ZNF846: variants seen among roughly 807,000 people sequenced by gnomAD.
ZNF846 encodes zinc finger protein 420 pseudogene.
A neutral mutation model predicts 16.0 loss-of-function variants in ZNF846; 15 were observed. The observed-to-expected ratio is 0.94, with a 90% CI of 0.63 to 1.45. The LOEUF is 1.45. Among genes scored for constraint, ZNF846 ranks in the 40% most tolerant of loss-of-function variants. The pLI, the probability that ZNF846 is intolerant of heterozygous loss-of-function variation, is 0.00. For missense variants in ZNF846, 714 were observed against 622.3 expected, an observed-to-expected ratio of 1.15 and a Z score of -1.57; for synonymous variants, 229 against 212.0, an observed-to-expected ratio of 1.08 and a Z score of -0.70.
At chr19:9,749,427 G>A (rs10413243), downstream of ZNF846, among the ~76,000 whole-genome samples, 55,079 of 151,750 alleles carry the variant, frequency 0.36, 14,226 homozygotes, top group African/African-American at 0.73. Flanking sequence ...TTTCCTCCAA[G>A]TCACCATAAC....
downstream of ZNF846, among the ~76,000 whole-genome samples, chr19:9,750,376 C>T (rs2045074462): frequency 6.6e-6 from 1 of 152,164 alleles, no homozygotes; most frequent in Non-Finnish European, 1.5e-5. Context: ...TCCCTCTACG[C>T]AGTTGCACCA....
intron 1 of ZNF846, among the ~76,000 whole-genome samples, chr19:9,766,759 G>C (rs1467143964): frequency 2.6e-5 from 4 of 151,704 alleles, no homozygotes; most frequent in Non-Finnish European, 5.9e-5. Context: ...AATTAGCTGG[G>C]CATGGTGGCA....
intron 1 of ZNF846, among the ~76,000 whole-genome samples, chr19:9,777,964 G>A (rs2045464284): frequency 6.6e-6 from 1 of 152,172 alleles, no homozygotes; most frequent in Non-Finnish European, 1.5e-5. Context: ...ACTGGACAAA[G>A]GAGAGAATCA....
intron 1 of ZNF846, among the ~76,000 whole-genome samples, chr19:9,784,476 A>G (rs2045538144): frequency 6.6e-6 from 1 of 152,342 alleles, no homozygotes; most frequent in East Asian, 1.9e-4. Context: ...GTTTTCTCCT[A>G]TCTCAGTAAA....
upstream of ZNF846, among the ~76,000 whole-genome samples, chr19:9,771,379 C>T (rs143230211): frequency 1.8e-3 from 275 of 152,096 alleles, 1 homozygote; most frequent in African/African-American, 6.3e-3. Flanking sequence ...GGTTTTCCCA[C>T]GTTGGCCAGG....
chr19:9,783,732 T>C (rs2045529658), intron 1 of ZNF846, among the ~76,000 whole-genome samples: 1 of 151,006 alleles, frequency 6.6e-6, no homozygotes, highest in Non-Finnish European at 1.5e-5. Context: ...CTCTGTCGCC[T>C]GGATGGAGTA....
intron 1 of ZNF846, among the ~76,000 whole-genome samples, chr19:9,773,740 C>T (rs1165402667): frequency 6.6e-6 from 1 of 151,986 alleles, no homozygotes; most frequent in Non-Finnish European, 1.5e-5. Context: ...CGAGATTGCA[C>T]CACTGCACTT....
downstream of ZNF846, among the ~76,000 whole-genome samples, chr19:9,751,265 A>G (rs1385052585): frequency 1.3e-5 from 2 of 151,770 alleles, no homozygotes; most frequent in African/African-American, 2.4e-5. Context: ...AATCTCTCCC[A>G]CTTTAGGTTC....
chr19:9,757,659 G>A (rs1284874472), exon 6 of ZNF846: 2 of 1,613,138 alleles, frequency 1.2e-6, no homozygotes, highest in Non-Finnish European at 8.5e-7. Context: ...CTTTTCTCCT[G>A]TGTGCGTTCG....
chr19:9,758,130 C>T, exon 6 of ZNF846: 1 of 1,613,544 alleles, frequency 6.2e-7, no homozygotes, highest in Non-Finnish European at 8.5e-7. Flanking sequence ...GAAGGCTTTT[C>T]CACATTCCAT....
chr19:9,767,607 C>T (rs1332285774), intron 1 of ZNF846, among the ~76,000 whole-genome samples: 1 of 151,930 alleles, frequency 6.6e-6, no homozygotes, highest in African/African-American at 2.4e-5. Flanking sequence ...CAAACCAAGA[C>T]CCTGTCTTTA....
At chr19:9,754,563 T>TCAAAAAAAAAAAAAAAAAAAAAAAAAAA (rs776769152), downstream of ZNF846, among the ~76,000 whole-genome samples, 20 of 83,788 alleles carry the variant, frequency 2.4e-4, 2 homozygotes, top group African/African-American at 9.2e-4. Context: ...AGACTCTGTC[T>TCAAAAAAAAAAAAAAAAAAAAAAAAAAA]TAAAAAAAAA....
chr19:9,758,697 G>A (rs775762403), exon 6 of ZNF846: 2 of 1,609,612 alleles, frequency 1.2e-6, no homozygotes, highest in Non-Finnish European at 1.7e-6. Context: ...CATAAGAAAT[G>A]GGTGTTCATT....
downstream of ZNF846, among the ~76,000 whole-genome samples, chr19:9,753,036 G>A (rs561887122): frequency 6.6e-6 from 1 of 151,422 alleles, no homozygotes; most frequent in African/African-American, 2.5e-5. Flanking sequence ...TTCACAGAGA[G>A]CCATCTTCTT....
downstream of ZNF846, among the ~76,000 whole-genome samples, chr19:9,755,328 T>C (rs1345699198): frequency 3.3e-5 from 5 of 151,638 alleles, 1 homozygote; most frequent in African/African-American, 1.2e-4. Flanking sequence ...CAAGTCGTCA[T>C]GGACAGTAAG....
downstream of ZNF846, among the ~76,000 whole-genome samples, chr19:9,754,564 TAAA>T (rs545236944): frequency 4.5e-5 from 4 of 88,702 alleles, no homozygotes; most frequent in African/African-American, 5.2e-5. Context: ...GACTCTGTCT[TAAA>T]AAAAAAAAAA....
downstream of ZNF846, among the ~76,000 whole-genome samples, chr19:9,748,998 C>A (rs2045064538): frequency 6.6e-6 from 1 of 152,184 alleles, no homozygotes; most frequent in African/African-American, 2.4e-5. Context: ...TCAAACTCTA[C>A]AACCGCGATG....
intron 1 of ZNF846, chr19:9,774,854 C>A (rs930090959): frequency 2.5e-6 from 4 of 1,609,682 alleles, no homozygotes; most frequent in South Asian, 1.1e-5. Context: ...GCCCGAGCAC[C>A]CGCTTCGGGC....
intron 5 of ZNF846, 84 bp downstream of exon 5, chr19:9,759,776 T>G (rs2045192735): frequency 3.8e-6 from 4 of 1,054,890 alleles, no homozygotes; most frequent in Non-Finnish European, 5.6e-6. Context: ...TTTCTCTGGG[T>G]AAATGCCATT....
Sources: gnomAD v4.1 joint callset for allele counts (sites outside exome capture counted in the v4.1 genomes callset) on GRCh38, gnomAD v4.1.1 for gene constraint, MANE v1.5 for transcripts, NCBI Gene and HGNC (gene_info 2026-07-23, HGNC 2026-07-21) for gene names.